The following NELL2 variants were observed in gnomAD, a reference collection of about 807,000 sequenced individuals.
NELL2 encodes neural EGFL like 2.
In NELL2, 41 loss-of-function variants were observed where a neutral mutation model predicts 109.6. The ratio of observed to expected loss-of-function variants is 0.37; its 90% CI spans 0.29 to 0.49. The LOEUF is 0.49. Among genes scored for constraint, NELL2 ranks in the 20% least tolerant of loss-of-function variants. The pLI, the probability that NELL2 is intolerant of heterozygous loss-of-function variation, is 0.98. For synonymous variants in NELL2, 355 were observed against 344.7 expected (o/e 1.03, Z -0.33); for missense variants, 900 against 1,008.3 (o/e 0.89, Z 1.45).
chr12:44,829,777 CATAG>C (rs1399778164), intron 2 of NELL2, among the ~76,000 whole-genome samples: 5 of 151,854 alleles, frequency 3.3e-5, no homozygotes, highest in Admixed American at 3.3e-4. Context: ...AAAATTACCC[CATAG>C]ATAGTACCTG....
At chr12:44,842,623 C>T (rs968101850) in intron 2 of NELL2, among the ~76,000 whole-genome samples, 4 of 152,148 alleles carry the variant, frequency 2.6e-5, no homozygotes, top group African/African-American at 7.2e-5. Flanking sequence ...TTCTCTTCAT[C>T]AAAAGACTTC....
At chr12:44,520,330 T>A in intron 18 of NELL2, 101 bp from the exon 19 acceptor site, 1 of 817,890 alleles carries the variant, frequency 1.2e-6, no homozygotes. Flanking sequence ...GAATACTCAA[T>A]TATTTGATTG....
chr12:44,688,101 C>T (rs1948784861), intron 12 of NELL2, among the ~76,000 whole-genome samples: 1 of 152,110 alleles, frequency 6.6e-6, no homozygotes, highest in Non-Finnish European at 1.5e-5. Context: ...AATTTAAAGA[C>T]TTGTCATATA....
At chr12:44,845,369 T>C (rs1592643007) in intron 2 of NELL2, among the ~76,000 whole-genome samples, 1 of 152,328 alleles carries the variant, frequency 6.6e-6, no homozygotes, top group East Asian at 1.9e-4. Context: ...TTTAGAACTG[T>C]GCTGTTCAAC....
chr12:44,581,652 T>C (rs1944326599), intron 15 of NELL2, among the ~76,000 whole-genome samples: 1 of 104,366 alleles, frequency 9.6e-6, no homozygotes. Flanking sequence ...AATACATTCT[T>C]GAAAAAATTC....
intron 8 of NELL2, 111 bp downstream of exon 8, chr12:44,775,911 G>T: frequency 8.1e-7 from 1 of 1,233,830 alleles, no homozygotes; most frequent in Non-Finnish European, 1.1e-6. Flanking sequence ...CTTTAGTGTT[G>T]TGTCTTGAGG....
intron 12 of NELL2, among the ~76,000 whole-genome samples, chr12:44,701,477 CT>C (rs1276663979): frequency 1.3e-5 from 2 of 152,044 alleles, no homozygotes; most frequent in Non-Finnish European, 1.5e-5. Context: ...GTGACTTGGT[CT>C]TTATGATTAG....
Position 44,816,030 on chromosome 12 carries a change from G to C in NELL2, c.291C>G (p.His97Gln), listed in dbSNP as rs754815021. The change falls in exon 3 of 20, where the codon CAC (histidine) becomes CAG (glutamine). Residue 97 changes from histidine to glutamine, a missense_variant. By Grantham distance (24) the His-to-Gln change is conservative. Around this residue, in one of 4 missense-constraint regions of NELL2, gnomAD observed 200 missense variants for 191.8 expected, o/e 1.04. Transcript: ENST00000429094. ...TTGAGAGAATAACTCCTGAATTTAA[G>C]TGGGTCTGTTTTAGGGTCACCAAAA... ...FTILVTLKQTHLNSGVILSIH... is the reference protein window; with the variant it reads ...FTILVTLKQTQLNSGVILSIH... The C allele has an allele frequency of 1.9e-6, 3 of 1,612,860 alleles. No individual in the cohort carries two copies. The highest frequency in any genetic ancestry group is 2.2e-5 in the East Asian group (1 of 44,816).
intron 15 of NELL2, among the ~76,000 whole-genome samples, chr12:44,606,511 C>G (rs543756788): frequency 6.6e-6 from 1 of 152,068 alleles, no homozygotes; most frequent in Non-Finnish European, 1.5e-5. Context: ...ACTTAATACT[C>G]AAAACATTTT....
intron 2 of NELL2, among the ~76,000 whole-genome samples, chr12:44,873,951 A>G (rs560502632): frequency 6.6e-6 from 1 of 152,338 alleles, no homozygotes; most frequent in East Asian, 1.9e-4. Flanking sequence ...TAACTTAAAC[A>G]TAAAATTTAA....
intron 9 of NELL2, among the ~76,000 whole-genome samples, chr12:44,767,801 G>A (rs893084672): frequency 3.2e-4 from 49 of 152,150 alleles, no homozygotes; most frequent in African/African-American, 1.2e-3. Context: ...GACAGGCAAT[G>A]TGAGTAGACA....
chr12:44,743,326 G>A (rs985914501), intron 9 of NELL2, among the ~76,000 whole-genome samples: 123 of 152,206 alleles, frequency 8.1e-4, no homozygotes, highest in Non-Finnish European at 1.3e-3. Context: ...AGGAACAACC[G>A]GTACCAGCCA....
At chr12:44,857,670 T>G (rs1266096676) in intron 2 of NELL2, among the ~76,000 whole-genome samples, 1 of 152,208 alleles carries the variant, frequency 6.6e-6, no homozygotes, top group Non-Finnish European at 1.5e-5. Context: ...AAGCTTTAAT[T>G]GTGCTTGTAA....
At position 44,714,714 on chromosome 12, in the gene NELL2, T is replaced by G. The variant is rs1447372861; in HGVS notation, c.1022A>C (p.Tyr341Ser). The change falls in exon 10 of 20, where the codon TAC becomes TCC. Residue 341 changes from tyrosine to serine, a missense_variant. This residue lies in a region of NELL2 where 292 missense variants were observed against 265.3 expected (regional missense o/e 1.10). Coordinates refer to ENST00000429094, the MANE Select transcript of NELL2 (RefSeq NM_001145108.2). ...KSICQFQGRTYFEGERNTVYS... is the reference protein window; with the variant it reads ...KSICQFQGRTSFEGERNTVYS... ...GACTGTATTTCTTTCTCCTTCAAAG[T>G]AGGTTCGTCCTTGAAATTGGCATAT... 2 of 1,601,932 alleles carry G rather than the reference T, an allele frequency of 1.2e-6. No homozygotes were observed. Among genetic ancestry groups the G allele is most frequent in the African/African-American group, 2.7e-5 (2 of 74,342 alleles).
intron 2 of NELL2, chr12:44,874,970 G>A (rs1945270707): frequency 8.0e-6 from 3 of 372,690 alleles, no homozygotes; most frequent in Non-Finnish European, 1.4e-5. Context: ...TCTGCCATAG[G>A]AGTTTCTGCT....
intron 2 of NELL2, among the ~76,000 whole-genome samples, chr12:44,868,144 T>C (rs1440466142): frequency 1.0e-5 from 1 of 95,240 alleles, no homozygotes; most frequent in Non-Finnish European, 2.2e-5. Flanking sequence ...AAAAAAAAAA[T>C]GAACTACCTG....
chr12:44,723,866 T>C (rs1347059399), intron 9 of NELL2, among the ~76,000 whole-genome samples: 1 of 152,088 alleles, frequency 6.6e-6, no homozygotes, highest in Non-Finnish European at 1.5e-5. Flanking sequence ...ACAACTACCA[T>C]TCAACCCAGC....
At chr12:44,522,985 T>A in intron 17 of NELL2, 1 of 321,122 alleles carries the variant, frequency 3.1e-6, no homozygotes, top group Non-Finnish European at 5.8e-6. Flanking sequence ...AAAAACATAA[T>A]GTTGAGAGAA....
chr12:44,773,520 C>A (rs1272750125), intron 9 of NELL2, among the ~76,000 whole-genome samples: 2 of 152,012 alleles, frequency 1.3e-5, no homozygotes, highest in Non-Finnish European at 2.9e-5. Flanking sequence ...TGATTCCTTG[C>A]TATTGTATTA....
Sources: gnomAD v4.1 joint callset for allele counts (sites outside exome capture counted in the v4.1 genomes callset) on GRCh38, gnomAD v4.1.1 for gene constraint, gnomAD v4.1.1 regional missense constraint, MANE v1.5 for transcripts, NCBI Gene and HGNC (gene_info 2026-07-23, HGNC 2026-07-21) for gene names.